Variants in PIK3R5 observed in about 807,000 individuals in gnomAD.
PIK3R5 encodes phosphoinositide-3-kinase regulatory subunit 5, also known as phosphoinositide 3-kinase regulatory subunit 5.
Under a neutral mutation model 94.9 loss-of-function variants are expected in PIK3R5, and 32 were observed. The observed-to-expected ratio is 0.34, with a 90% CI of 0.25 to 0.45. PIK3R5 has a LOEUF of 0.45. Among genes scored for constraint, PIK3R5 ranks in the 20% least tolerant of loss-of-function variants. The pLI, the probability that PIK3R5 is intolerant of heterozygous loss-of-function variation, is 1.00. For missense variants in PIK3R5, 853 were observed against 1,144.6 expected (o/e 0.75, Z 3.68); for synonymous variants, 443 against 479.4 (o/e 0.92, Z 0.99).
chr17:8,905,753 G>A lies in PIK3R5; in HGVS notation c.205-16C>T, dbSNP rs200264067. The A allele has an allele frequency of 1.3e-5, 20 of 1,575,106 alleles. No individual in the cohort carries two copies. In the African/African-American group the frequency reaches 2.0e-4, roughly 16 times the overall value. On this transcript the variant is annotated splice_polypyrimidine_tract_variant and intron_variant, in intron 3 of 18. Coordinates refer to ENST00000447110, the MANE Select transcript of PIK3R5 (RefSeq NM_001142633.3). ...TCTCCTGGACCTGTGGAGAGGAGGA[G>A]AAGGGGAATGAGCCTCATTCACGGG...
chr17:8,927,333 G>T (rs2090902268), intron 1 of PIK3R5, among the ~76,000 whole-genome samples: 1 of 152,144 alleles, frequency 6.6e-6, no homozygotes, highest in Non-Finnish European at 1.5e-5. Context: ...CAGTTAATCG[G>T]CTTAGACTTC....
chr17:8,938,490 T>C (rs1029190733), intron 1 of PIK3R5, among the ~76,000 whole-genome samples: 3 of 152,214 alleles, frequency 2.0e-5, no homozygotes, highest in African/African-American at 7.2e-5. Flanking sequence ...CAGAATATTT[T>C]CATCGCTCCA....
intron 14 of PIK3R5, 147 bp downstream of exon 14, chr17:8,886,082 G>C: frequency 1.7e-5 from 8 of 464,146 alleles, no homozygotes; most frequent in Non-Finnish European, 2.4e-5. Flanking sequence ...CCCACCTCCC[G>C]GTAACCCCGT....
intron 1 of PIK3R5, among the ~76,000 whole-genome samples, chr17:8,942,829 A>G (rs925642254): frequency 1.3e-5 from 2 of 151,802 alleles, no homozygotes; most frequent in Admixed American, 1.3e-4. Context: ...GATGGTCTCG[A>G]TCTCCTGACC....
At chr17:8,961,433 G>A (rs756188351) in intron 1 of PIK3R5, among the ~76,000 whole-genome samples, 3 of 152,164 alleles carry the variant, frequency 2.0e-5, no homozygotes, top group East Asian at 1.9e-4. Flanking sequence ...TCTGGAGTTC[G>A]AGACCAGCCT....
At chr17:8,951,361 G>A (rs1421379993) in intron 1 of PIK3R5, among the ~76,000 whole-genome samples, 7 of 151,970 alleles carry the variant, frequency 4.6e-5, no homozygotes, top group Non-Finnish European at 5.9e-5. Context: ...GAACTTTTTC[G>A]TCTTCCTAAA....
intron 5 of PIK3R5, among the ~76,000 whole-genome samples, chr17:8,894,738 G>T (rs1041546558): frequency 2.0e-5 from 3 of 152,124 alleles, no homozygotes; most frequent in Non-Finnish European, 4.4e-5. Context: ...AGGGGCTGGG[G>T]ACCCAGCGGG....
chr17:8,888,099 A>G lies in PIK3R5; in HGVS notation c.1616+72T>C. 6 of 1,399,702 alleles carry G rather than the reference A, an allele frequency of 4.3e-6. No individual in the cohort carries two copies. In the South Asian group the frequency reaches 7.2e-5, roughly 17 times the overall value. 86.7% of individuals were successfully genotyped at this position (1,399,702 alleles called of 1,614,324 possible). On this transcript the variant is annotated intron_variant, in intron 10 of 18. Transcript: ENST00000447110. This position sits in a 1 kb window ranked among gnomAD's most constrained non-coding sequence, Gnocchi z 7.8. ...TGGTTCCTCTGGGGCCCTAAGCCTC[A>G]GGCCCCAGATTCCACCAGCACAACA...
At chr17:8,905,065 G>T in intron 4 of PIK3R5, 150 bp from the exon 5 acceptor site, 1 of 837,334 alleles carries the variant, frequency 1.2e-6, no homozygotes, top group South Asian at 1.7e-5. Flanking sequence ...AGGTGGAACT[G>T]GAAGTTACTC....
intron 1 of PIK3R5, among the ~76,000 whole-genome samples, chr17:8,962,177 G>A (rs2151486974): frequency 6.6e-6 from 1 of 152,218 alleles, no homozygotes; most frequent in African/African-American, 2.4e-5. Context: ...TGTGAAATGG[G>A]GGCAATAATT....
At chr17:8,895,919 G>A (rs2090142338) in intron 5 of PIK3R5, among the ~76,000 whole-genome samples, 1 of 152,004 alleles carries the variant, frequency 6.6e-6, no homozygotes, top group Admixed American at 6.6e-5. Context: ...ATAAACTCCC[G>A]CCCTCACCCC....
At chr17:8,964,307 C>T (rs558437437) in intron 1 of PIK3R5, among the ~76,000 whole-genome samples, 1 of 152,156 alleles carries the variant, frequency 6.6e-6, no homozygotes, top group Non-Finnish European at 1.5e-5. Context: ...CGGAGGATTG[C>T]TTGAGCCTGG....
At chr17:8,957,452 G>C (rs1188971031) in intron 1 of PIK3R5, among the ~76,000 whole-genome samples, 3 of 152,206 alleles carry the variant, frequency 2.0e-5, no homozygotes, top group East Asian at 3.8e-4. Context: ...TCTGAAGACA[G>C]ATACTACTTC....
In PIK3R5 at chr17:8,909,318, T is replaced by A; in HGVS notation, c.104-144A>T. On this transcript the variant is annotated intron_variant, in intron 2 of 18. Transcript: ENST00000447110. This position sits in a 1 kb window ranked among gnomAD's most constrained non-coding sequence, Gnocchi z 4.3. Reference sequence around the variant, plus strand: ...ACTCTTTTTTTTTTTTGAGACAGAGTCTTGCTCTGTCGCCAGGCTGGAGTG... The same window carrying A: ...ACTCTTTTTTTTTTTTGAGACAGAGACTTGCTCTGTCGCCAGGCTGGAGTG... The A allele has an allele frequency of 1.7e-6, 1 of 580,542 alleles. No individual in the cohort carries two copies. Among genetic ancestry groups the A allele is most frequent in the Non-Finnish European group, 3.1e-6 (1 of 321,270 alleles). The allele number at this position is 580,542 out of a possible 1,614,324, so 36.0% of individuals were successfully genotyped here. A position where few individuals can be genotyped will look rare whatever the true frequency, so the allele number is the denominator to read the frequency against.
chr17:8,887,304 A>G (rs2089888436), intron 11 of PIK3R5, 83 bp from the exon 12 acceptor site: 1 of 1,552,898 alleles, frequency 6.4e-7, no homozygotes, highest in African/African-American at 1.4e-5. Context: ...TGGCACCTGC[A>G]GCCCCATGCT....
chr17:8,938,953 G>A (rs1436853484), intron 1 of PIK3R5, among the ~76,000 whole-genome samples: 1 of 152,184 alleles, frequency 6.6e-6, no homozygotes, highest in Non-Finnish European at 1.5e-5. Context: ...AGAAATGAAC[G>A]TAGCCTGGAG....
chr17:8,951,001 G>A (rs988362359), intron 1 of PIK3R5, among the ~76,000 whole-genome samples: 2 of 152,174 alleles, frequency 1.3e-5, no homozygotes, highest in African/African-American at 4.8e-5. Context: ...TCTGACTGGT[G>A]CGAGATGGTA....
intron 1 of PIK3R5, among the ~76,000 whole-genome samples, chr17:8,952,607 G>A (rs892901995): frequency 6.6e-6 from 1 of 152,172 alleles, no homozygotes; most frequent in Admixed American, 6.5e-5. Flanking sequence ...GTATTGAAGC[G>A]ACTTAAGTCG....
At chr17:8,886,651 T>G in intron 12 of PIK3R5, 46 bp from the exon 13 acceptor site, 1 of 1,537,752 alleles carries the variant, frequency 6.5e-7, no homozygotes, top group Non-Finnish European at 8.7e-7. Flanking sequence ...GGTGGGTGGA[T>G]AGATGGTAAG....
Sources: allele counts gnomAD v4.1 joint callset (sites outside exome capture counted in the v4.1 genomes callset), GRCh38; gene constraint gnomAD v4.1.1; non-coding constraint Gnocchi (gnomAD v3.1); transcripts MANE v1.5; gene names NCBI Gene and HGNC (gene_info 2026-07-23, HGNC 2026-07-21).